Variants in CCSER2 observed in about 807,000 individuals in gnomAD.
The protein encoded by CCSER2 is coiled-coil serine rich protein 2.
Under a neutral mutation model 92.3 loss-of-function variants are expected in CCSER2, and 46 were observed. The observed-to-expected ratio is 0.50, with a 90% CI of 0.39 to 0.64. CCSER2 has a LOEUF of 0.64. Among genes scored for constraint, CCSER2 ranks in the 30% least tolerant of loss-of-function variants. The probability of loss-of-function intolerance (pLI) is 0.00; values close to 1 mark genes in which losing one functional copy is unlikely to be tolerated. For synonymous variants in CCSER2, 433 were observed against 431.4 expected (o/e 1.00, Z -0.04); for missense variants, 1,244 against 1,238.9 (o/e 1.00, Z -0.06).
intron 1 of CCSER2, among the ~76,000 whole-genome samples, chr10:84,332,548 C>T (rs1045823092): frequency 4.1e-5 from 6 of 148,068 alleles, no homozygotes; most frequent in African/African-American, 1.5e-4. Context: ...AAGCGATTCT[C>T]TTGCCTCAGC....
intron 9 of CCSER2, among the ~76,000 whole-genome samples, chr10:84,484,114 C>A (rs898543017): frequency 6.6e-6 from 1 of 150,538 alleles, no homozygotes; most frequent in African/African-American, 2.4e-5. Context: ...GCTGGGACTA[C>A]AGGTGCCCGC....
intron 9 of CCSER2, among the ~76,000 whole-genome samples, chr10:84,484,339 C>A (rs987053822): frequency 2.6e-5 from 4 of 151,822 alleles, no homozygotes; most frequent in African/African-American, 4.8e-5. Flanking sequence ...TCTTGAACTC[C>A]TGACCTCAGG....
At position 84,423,655 on chromosome 10, in the gene CCSER2, C is replaced by T. The variant is rs191774961; in HGVS notation, c.1706-2076C>T. ...TGCTTTGGGAGTGAGTGGAATTTCT[C>T]TTTCCTGAATTGAGGAAAAATATGA... On this transcript the variant is annotated intron_variant, in intron 4 of 9. Transcript: ENST00000372088. Among the ~76,000 whole-genome samples, 11 of 152,216 alleles carry T rather than the reference C, an allele frequency of 7.2e-5. No individual in the cohort carries two copies. The South Asian group carries it at 1.2e-3, about 17-fold the overall frequency.
intron 9 of CCSER2, 150 bp downstream of exon 9, chr10:84,477,814 G>T: frequency 3.6e-6 from 2 of 558,208 alleles, no homozygotes; most frequent in East Asian, 3.0e-5. Flanking sequence ...TCTCTTAGGT[G>T]TTTATGTGTT....
intron 3 of CCSER2, among the ~76,000 whole-genome samples, chr10:84,390,217 A>G (rs922505298): frequency 1.3e-5 from 2 of 152,106 alleles, no homozygotes; most frequent in South Asian, 2.1e-4. Context: ...TTCCCTTTCT[A>G]TATTTGCAGT....
At chr10:84,331,521 A>G (rs751613892) in intron 1 of CCSER2, among the ~76,000 whole-genome samples, 1 of 152,212 alleles carries the variant, frequency 6.6e-6, no homozygotes, top group Admixed American at 6.5e-5. Context: ...TGATGGTACA[A>G]TGAGATTTTA....
chr10:84,368,711 G>A (rs780770993), intron 1 of CCSER2, among the ~76,000 whole-genome samples: 2 of 152,052 alleles, frequency 1.3e-5, no homozygotes, highest in Non-Finnish European at 2.9e-5. Context: ...AAGGGAACAG[G>A]TGATTTTTGG....
At chr10:84,507,319 C>A (rs1849110489) in intron 9 of CCSER2, 1 of 985,110 alleles carries the variant, frequency 1.0e-6, no homozygotes, top group Non-Finnish European at 1.2e-6. Flanking sequence ...TCCATTACTT[C>A]TCTGACAAAG....
chr10:84,507,480 G>A (rs1176901899), intron 9 of CCSER2: 1 of 165,328 alleles, frequency 6.0e-6, no homozygotes, highest in African/African-American at 2.4e-5. Context: ...TCCTTTTTAT[G>A]GTTAAAATGT....
chr10:84,374,350 C>T (rs995729141), intron 3 of CCSER2, among the ~76,000 whole-genome samples: 5 of 152,158 alleles, frequency 3.3e-5, no homozygotes, highest in African/African-American at 1.2e-4. Flanking sequence ...TATTATTTTA[C>T]TCTTAGAAAG....
intron 3 of CCSER2, chr10:84,391,490 A>G (rs999283343): frequency 2.6e-6 from 4 of 1,552,738 alleles, no homozygotes; most frequent in African/African-American, 1.4e-5. Flanking sequence ...TAAGCCTTGT[A>G]TAGCTGATTT....
intron 5 of CCSER2, among the ~76,000 whole-genome samples, chr10:84,428,086 A>T (rs1843537418): frequency 6.6e-6 from 1 of 152,160 alleles, no homozygotes; most frequent in Non-Finnish European, 1.5e-5. Context: ...GCTTTGCTGC[A>T]GTCCTGAGTG....
At chr10:84,436,058 C>T (rs542478013) in intron 5 of CCSER2, among the ~76,000 whole-genome samples, 2 of 151,786 alleles carry the variant, frequency 1.3e-5, no homozygotes, top group Non-Finnish European at 2.9e-5. Context: ...GGCCCGGCGC[C>T]GTGGCCGACG....
chr10:84,401,475 T>G (rs1157829647), intron 3 of CCSER2, among the ~76,000 whole-genome samples: 1 of 152,122 alleles, frequency 6.6e-6, no homozygotes. Flanking sequence ...CACAAACTAC[T>G]AAACTTCACC....
At chr10:84,466,809 G>A (rs1306518257) in intron 7 of CCSER2, among the ~76,000 whole-genome samples, 1 of 151,888 alleles carries the variant, frequency 6.6e-6, no homozygotes, top group African/African-American at 2.4e-5. Flanking sequence ...CACCGCGCCC[G>A]GCCTCCTTCT....
intron 8 of CCSER2, among the ~76,000 whole-genome samples, chr10:84,471,974 ATATACT>A (rs1564700327): frequency 6.6e-6 from 1 of 152,158 alleles, no homozygotes; most frequent in Non-Finnish European, 1.5e-5. Flanking sequence ...ATTTTAAAAA[ATATACT>A]TAGATAAATT....
At chr10:84,505,629 C>T (rs1225035584) in intron 9 of CCSER2, among the ~76,000 whole-genome samples, 1 of 151,988 alleles carries the variant, frequency 6.6e-6, no homozygotes, top group Non-Finnish European at 1.5e-5. Flanking sequence ...TTCGTGTATG[C>T]TCATTTTTAA....
intron 9 of CCSER2, among the ~76,000 whole-genome samples, chr10:84,485,329 C>T (rs1847741528): frequency 6.6e-6 from 1 of 152,206 alleles, no homozygotes; most frequent in Non-Finnish European, 1.5e-5. Flanking sequence ...TGTACCACCA[C>T]AGCATTTTCC....
At chr10:84,366,736 C>T (rs1845795143) in intron 1 of CCSER2, among the ~76,000 whole-genome samples, 1 of 152,150 alleles carries the variant, frequency 6.6e-6, no homozygotes, top group Non-Finnish European at 1.5e-5. Context: ...GTAGCTTGCT[C>T]CCTGTACAAT....
Sources: allele counts gnomAD v4.1 joint callset (sites outside exome capture counted in the v4.1 genomes callset), GRCh38; gene constraint gnomAD v4.1.1; transcripts MANE v1.5; gene names NCBI Gene and HGNC (gene_info 2026-07-23, HGNC 2026-07-21).